The following SPOCK1 variants were observed in gnomAD, a reference collection of about 807,000 sequenced individuals.
SPOCK1 encodes testican-1.
Under a neutral mutation model 55.3 loss-of-function variants are expected in SPOCK1, and 23 were observed. The ratio of observed to expected loss-of-function variants is 0.42; its 90% CI spans 0.30 to 0.59. SPOCK1 has a LOEUF of 0.59. SPOCK1 is among the 20% of genes least tolerant of loss of function. The probability of loss-of-function intolerance (pLI) is 0.22; values close to 1 mark genes in which losing one functional copy is unlikely to be tolerated. For synonymous variants in SPOCK1, 226 were observed against 221.0 expected, an observed-to-expected ratio of 1.02 and a Z score of -0.20; for missense variants, 499 against 552.5, an observed-to-expected ratio of 0.90 and a Z score of 0.97.
At chr5:137,027,252 G>T (rs1561584131) in intron 6 of SPOCK1, among the ~76,000 whole-genome samples, 1 of 152,170 alleles carries the variant, frequency 6.6e-6, no homozygotes, top group Non-Finnish European at 1.5e-5. Flanking sequence ...TAGGGGGAAG[G>T]AGAGATGACA....
At chr5:137,434,940 AAAG>A (rs375457193) in intron 2 of SPOCK1, among the ~76,000 whole-genome samples, 99 of 152,384 alleles carry the variant, frequency 6.5e-4, no homozygotes, top group Middle Eastern at 3.4e-3. Context: ...ATAAATGTTC[AAAG>A]AAGAAAATAT....
At chr5:137,269,618 C>A (rs938453660) in intron 2 of SPOCK1, among the ~76,000 whole-genome samples, 3 of 152,200 alleles carry the variant, frequency 2.0e-5, no homozygotes, top group Admixed American at 6.5e-5. Flanking sequence ...CTTCCACACA[C>A]GGTGAGTATA....
At chr5:137,270,228 C>A (rs1229185269) in intron 2 of SPOCK1, among the ~76,000 whole-genome samples, 1 of 152,204 alleles carries the variant, frequency 6.6e-6, no homozygotes, top group Non-Finnish European at 1.5e-5. Flanking sequence ...TCAGGCAAGG[C>A]ATATCTATCT....
In SPOCK1 at chr5:137,425,663, T is replaced by G. The variant is rs886315076; in HGVS notation, c.186+72710A>C. Reference sequence around the variant, plus strand: ...TATCAAAGCTTCTCAAGCTGGGACCTGCTTACCTCTATCAGTGCCCTGCAT... The same window carrying G: ...TATCAAAGCTTCTCAAGCTGGGACCGGCTTACCTCTATCAGTGCCCTGCAT... On this transcript the variant is annotated intron_variant, in intron 2 of 10. Coordinates refer to ENST00000394945, the MANE Select transcript of SPOCK1 (RefSeq NM_004598.4). Among the ~76,000 whole-genome samples the G allele has an allele frequency of 2.6e-5, 4 of 152,228 alleles. No homozygotes were observed. In the East Asian group the frequency reaches 7.7e-4, roughly 29 times the overall value.
intron 6 of SPOCK1, among the ~76,000 whole-genome samples, chr5:137,017,619 C>A (rs752170521): frequency 6.6e-6 from 1 of 151,998 alleles, no homozygotes; most frequent in Non-Finnish European, 1.5e-5. Context: ...AATTATCCAA[C>A]CAGTGGCATC....
chr5:137,383,805 T>C (rs1561521234), intron 2 of SPOCK1, among the ~76,000 whole-genome samples: 1 of 152,240 alleles, frequency 6.6e-6, no homozygotes, highest in Non-Finnish European at 1.5e-5. Context: ...CTTTCAGGCA[T>C]TGGAGTCTAT....
chr5:137,447,036 T>G (rs1753144021), intron 2 of SPOCK1, among the ~76,000 whole-genome samples: 1 of 152,234 alleles, frequency 6.6e-6, no homozygotes, highest in Non-Finnish European at 1.5e-5. Context: ...CACCACATTT[T>G]CTTTACCCAT....
chr5:137,430,228 A>G (rs887014574), intron 2 of SPOCK1, among the ~76,000 whole-genome samples: 1 of 152,206 alleles, frequency 6.6e-6, no homozygotes, highest in Non-Finnish European at 1.5e-5. Flanking sequence ...GCCACAGTGT[A>G]TTTACTTGGA....
intron 2 of SPOCK1, among the ~76,000 whole-genome samples, chr5:137,482,027 C>T (rs900701350): frequency 1.3e-5 from 2 of 152,184 alleles, no homozygotes; most frequent in Non-Finnish European, 1.5e-5. Flanking sequence ...GACATCTGAC[C>T]TTTACCTGGC....
chr5:137,355,137 G>A (rs770986389), intron 2 of SPOCK1, among the ~76,000 whole-genome samples: 32 of 151,838 alleles, frequency 2.1e-4, no homozygotes, highest in Admixed American at 4.6e-4. Context: ...TCCTAAACTC[G>A]CAATCCACCC....
intron 2 of SPOCK1, among the ~76,000 whole-genome samples, chr5:137,318,620 T>C (rs1307507969): frequency 1.3e-5 from 2 of 152,148 alleles, no homozygotes; most frequent in African/African-American, 4.8e-5. Flanking sequence ...GAAGTGGAAA[T>C]AGAAACAAAT....
At chr5:137,218,862 T>G (rs1755769056) in intron 3 of SPOCK1, among the ~76,000 whole-genome samples, 1 of 151,970 alleles carries the variant, frequency 6.6e-6, no homozygotes, top group South Asian at 2.1e-4. Context: ...AGCTGCCAGG[T>G]ACCTGGGCAG....
At chr5:137,427,680 C>T (rs1401599359) in intron 2 of SPOCK1, among the ~76,000 whole-genome samples, 4 of 152,042 alleles carry the variant, frequency 2.6e-5, no homozygotes, top group African/African-American at 4.8e-5. Flanking sequence ...GAGGCTGAGG[C>T]GGGTGGATCA....
At chr5:137,333,745 G>A (rs1304828095) in intron 2 of SPOCK1, among the ~76,000 whole-genome samples, 3 of 152,118 alleles carry the variant, frequency 2.0e-5, no homozygotes, top group African/African-American at 7.2e-5. Flanking sequence ...GGTCAAAGCC[G>A]AGAATTTACA....
chr5:136,999,762 G>A (rs1251665539), intron 6 of SPOCK1, among the ~76,000 whole-genome samples: 3 of 152,174 alleles, frequency 2.0e-5, no homozygotes, highest in East Asian at 1.9e-4. Context: ...AAGAAGTGGC[G>A]AGCAAGTGTG....
At chr5:137,220,910 T>C (rs1755835175) in intron 3 of SPOCK1, among the ~76,000 whole-genome samples, 1 of 152,228 alleles carries the variant, frequency 6.6e-6, no homozygotes, top group African/African-American at 2.4e-5. Context: ...CCAACTTTTA[T>C]TAAGATGTGT....
chr5:137,474,504 C>A (rs1194066563), intron 2 of SPOCK1, among the ~76,000 whole-genome samples: 1 of 152,146 alleles, frequency 6.6e-6, no homozygotes, highest in Admixed American at 6.5e-5. Context: ...AAAGTAATGA[C>A]AAGTGCTGAT....
chr5:137,297,146 A>T (rs941216224), intron 2 of SPOCK1, among the ~76,000 whole-genome samples: 4 of 152,238 alleles, frequency 2.6e-5, no homozygotes, highest in Non-Finnish European at 5.9e-5. Flanking sequence ...ATATACACAC[A>T]CATACATGTA....
chr5:137,124,385 T>C (rs75472741), intron 4 of SPOCK1, among the ~76,000 whole-genome samples: 19,111 of 152,170 alleles, frequency 0.13, 1,383 homozygotes, highest in East Asian at 0.22. Context: ...CCCAGGCTTA[T>C]TTCTGGCTGA....
Sources: gnomAD v4.1 joint callset for allele counts (sites outside exome capture counted in the v4.1 genomes callset) on GRCh38, gnomAD v4.1.1 for gene constraint, MANE v1.5 for transcripts, NCBI Gene and HGNC (gene_info 2026-07-23, HGNC 2026-07-21) for gene names.